Variants in CADPS observed in about 807,000 individuals in gnomAD.
CADPS encodes the protein calcium-dependent secretion activator 1.
CADPS carries 57 observed loss-of-function variants against 167.3 expected under a neutral mutation model. The observed-to-expected ratio is 0.34, with a 90% CI of 0.28 to 0.42. CADPS has a LOEUF of 0.42. CADPS is among the 20% of genes least tolerant of loss of function. The pLI is 1.00. For missense variants in CADPS, 1,414 were observed against 1,738.1 expected (o/e 0.81, Z 3.32); for synonymous variants, 676 against 635.3 (o/e 1.06, Z -0.96).
intron 1 of CADPS, among the ~76,000 whole-genome samples, chr3:62,770,183 C>T (rs1475391610): frequency 6.6e-6 from 1 of 152,100 alleles, no homozygotes; most frequent in African/African-American, 2.4e-5. Context: ...CTGGTTTTCC[C>T]CATGGTTGGC....
chr3:62,634,219 T>A (rs1320310939), intron 6 of CADPS, among the ~76,000 whole-genome samples: 1 of 152,090 alleles, frequency 6.6e-6, no homozygotes, highest in Non-Finnish European at 1.5e-5. Flanking sequence ...TTTACTTTTC[T>A]GCTTTGCATC....
chr3:62,495,283 T>C (rs1272973861), intron 18 of CADPS, among the ~76,000 whole-genome samples: 1 of 152,132 alleles, frequency 6.6e-6, no homozygotes, highest in Non-Finnish European at 1.5e-5. Context: ...CAAAACCTTA[T>C]AATCAAACCT....
intron 6 of CADPS, among the ~76,000 whole-genome samples, chr3:62,621,003 T>C (rs536280802): frequency 4.0e-4 from 61 of 152,316 alleles, no homozygotes; most frequent in African/African-American, 1.4e-3. Flanking sequence ...GGCAGTCATT[T>C]CATCTGTAAA....
At chr3:62,868,042 A>C (rs937442737) in intron 1 of CADPS, among the ~76,000 whole-genome samples, 2 of 152,116 alleles carry the variant, frequency 1.3e-5, no homozygotes, top group Non-Finnish European at 2.9e-5. Flanking sequence ...GCTAGACTCA[A>C]TGCATTGGCT....
chr3:62,487,260 T>C (rs1022931107), intron 21 of CADPS, among the ~76,000 whole-genome samples: 23 of 152,330 alleles, frequency 1.5e-4, no homozygotes, highest in African/African-American at 5.5e-4. Flanking sequence ...TGGTAAGACT[T>C]TGAATGAGTT....
rs973290352 is a variant in CADPS, at chr3:62,446,096, T to A, written c.3637-299A>T. On this transcript the variant is annotated intron_variant, in intron 26 of 29. Transcript: ENST00000383710. The surrounding 1 kb of genome is among the most constrained non-coding windows in gnomAD (Gnocchi z 4.9). ...AGTAAAGTGACTAGCTAAACCCACATGGATTAGTCCGGGGCTTACCAGTCT... is the reference window on the plus strand; with the variant it reads ...AGTAAAGTGACTAGCTAAACCCACAAGGATTAGTCCGGGGCTTACCAGTCT... Among the ~76,000 whole-genome samples, 12 of 152,210 alleles carry A rather than the reference T, an allele frequency of 7.9e-5. No homozygotes were observed. Among genetic ancestry groups the A allele is most frequent in the Admixed American group, 2.6e-4 (4 of 15,280 alleles).
In CADPS at chr3:62,570,920, A is replaced by G. The variant is rs2081168383; in HGVS notation, c.1596T>C (p.Gly532=). The G allele has an allele frequency of 1.9e-6, 3 of 1,609,868 alleles. No homozygotes were observed. Among genetic ancestry groups the G allele is most frequent in the Non-Finnish European group, 2.6e-6 (3 of 1,176,064 alleles). ...MKHSGYLWAI[G]KNVWKRWKKR... The stretch of plus-strand genomic sequence containing the variant: ...TCTTCCATCTCTTCCAGACATTCTT[A>G]CCGATGGCCCATAAATACCTAAGGG... Residue 532 remains glycine (G), a synonymous_variant, in exon 9 of 30, where the codon GGT becomes GGC. Coordinates refer to ENST00000383710, the MANE Select transcript of CADPS (RefSeq NM_003716.4).
chr3:62,669,839 T>G (rs558836066), intron 3 of CADPS, among the ~76,000 whole-genome samples: 1 of 152,312 alleles, frequency 6.6e-6, no homozygotes, highest in African/African-American at 2.4e-5. Context: ...TTAGCAGCCA[T>G]TAGTCCTTGG....
chr3:62,402,112 G>A (rs1706469775), intron 29 of CADPS, among the ~76,000 whole-genome samples: 2 of 151,798 alleles, frequency 1.3e-5, no homozygotes, highest in Admixed American at 1.3e-4. Context: ...GATGCTTTGT[G>A]AGATCAAATG....
rs2084332473 is a variant in CADPS, at chr3:62,585,232, G to T, written c.1530C>A (p.Ile510=). 1 of 1,614,066 alleles carries T rather than the reference G, an allele frequency of 6.2e-7. No homozygotes were observed. The highest frequency in any genetic ancestry group is 8.5e-7 in the Non-Finnish European group (1 of 1,179,944). ...GCTTATCCATTCGGACAGCAAGTTT[G>T]ATTTTGAGATCTTGGTCGGGGCAGT... ...SKNCPDQDLK[I]KLAVRMDKPQ... Residue 510 remains isoleucine, a synonymous_variant, in exon 8 of 30, where the codon ATC becomes ATA. Coordinates refer to ENST00000383710, the MANE Select transcript of CADPS (RefSeq NM_003716.4).
At chr3:62,852,381 G>A (rs2153109690) in intron 1 of CADPS, among the ~76,000 whole-genome samples, 1 of 152,284 alleles carries the variant, frequency 6.6e-6, no homozygotes, top group East Asian at 1.9e-4. Flanking sequence ...CACACTGGGA[G>A]CTGTAGACCG....
At chr3:62,724,471 A>T (rs931888489) in intron 3 of CADPS, among the ~76,000 whole-genome samples, 1 of 152,050 alleles carries the variant, frequency 6.6e-6, no homozygotes, top group Non-Finnish European at 1.5e-5. Context: ...GTAATGACAT[A>T]AAAAAATTCC....
At chr3:62,721,134 TAAA>T (rs71631127) in intron 3 of CADPS, among the ~76,000 whole-genome samples, 4 of 116,216 alleles carry the variant, frequency 3.4e-5, no homozygotes, top group African/African-American at 1.0e-4. Flanking sequence ...TTTTTTTTTT[TAAA>T]AAAAAAAAGA....
intron 13 of CADPS, among the ~76,000 whole-genome samples, chr3:62,526,133 AAAGTGAG>A (rs2072138399): frequency 6.6e-6 from 1 of 152,176 alleles, no homozygotes; most frequent in South Asian, 2.1e-4. Flanking sequence ...TAACAGGAGA[AAAGTGAG>A]TTCCATTTGA....
intron 7 of CADPS, among the ~76,000 whole-genome samples, chr3:62,589,894 G>A (rs988589657): frequency 1.3e-5 from 2 of 152,124 alleles, no homozygotes; most frequent in African/African-American, 2.4e-5. Flanking sequence ...AAACACATCT[G>A]TAAACTATTT....
At chr3:62,793,260 G>T (rs926626186) in intron 1 of CADPS, among the ~76,000 whole-genome samples, 3 of 149,606 alleles carry the variant, frequency 2.0e-5, no homozygotes, top group Non-Finnish European at 4.4e-5. Flanking sequence ...TGTAGAATGT[G>T]GCATCACTAT....
intron 3 of CADPS, among the ~76,000 whole-genome samples, chr3:62,707,303 G>A (rs1484181968): frequency 1.3e-5 from 2 of 152,096 alleles, no homozygotes; most frequent in African/African-American, 4.8e-5. Context: ...GGGTGAAGCA[G>A]TTTCATCCCA....
intron 26 of CADPS, among the ~76,000 whole-genome samples, chr3:62,449,945 T>C (rs1560532542): frequency 6.6e-6 from 1 of 152,134 alleles, no homozygotes; most frequent in Non-Finnish European, 1.5e-5. Context: ...TTACTTAACT[T>C]CTCTGAGCTT....
chr3:62,817,532 T>C (rs960780207), intron 1 of CADPS, among the ~76,000 whole-genome samples: 8 of 152,200 alleles, frequency 5.3e-5, no homozygotes, highest in African/African-American at 1.7e-4. Flanking sequence ...TTTAATTCTC[T>C]GATTTTTTAT....
Sources: gnomAD v4.1 joint callset for allele counts (sites outside exome capture counted in the v4.1 genomes callset) on GRCh38, gnomAD v4.1.1 for gene constraint, Gnocchi (gnomAD v3.1) non-coding constraint, MANE v1.5 for transcripts, NCBI Gene and HGNC (gene_info 2026-07-23, HGNC 2026-07-21) for gene names.